Variants in SFMBT1 observed in about 807,000 individuals in gnomAD.
SFMBT1 encodes Scm like with four mbt domains 1, also known as scm-like with four MBT domains protein 1.
A neutral mutation model predicts 108.7 loss-of-function variants in SFMBT1; 32 were observed. The ratio of observed to expected loss-of-function variants is 0.29; its 90% CI spans 0.22 to 0.40. The LOEUF (loss-of-function observed/expected upper bound fraction) is 0.40. SFMBT1 is among the 10% of genes least tolerant of loss of function. The pLI is 1.00. For missense variants in SFMBT1, 816 were observed against 1,059.6 expected, an observed-to-expected ratio of 0.77 and a Z score of 3.19; for synonymous variants, 348 against 369.5, an observed-to-expected ratio of 0.94 and a Z score of 0.67.
At chr3:52,931,912 A>T in intron 6 of SFMBT1, 150 bp downstream of exon 6, 1 of 907,988 alleles carries the variant, frequency 1.1e-6, no homozygotes, top group Non-Finnish European at 1.6e-6. Flanking sequence ...CACTTAATTT[A>T]ACAACTCCAT....
intron 1 of SFMBT1, among the ~76,000 whole-genome samples, chr3:53,007,331 G>A (rs1376083112): frequency 6.6e-6 from 1 of 152,112 alleles, no homozygotes. Flanking sequence ...CTTCACCGTT[G>A]TATCAAAAAG....
chr3:53,002,280 T>G (rs530410238), intron 1 of SFMBT1, among the ~76,000 whole-genome samples: 1 of 148,446 alleles, frequency 6.7e-6, no homozygotes, highest in East Asian at 2.0e-4. Flanking sequence ...GCACCTGTAG[T>G]CCCAGCTACT....
intron 1 of SFMBT1, among the ~76,000 whole-genome samples, chr3:52,981,019 G>C (rs185891672): frequency 6.6e-6 from 1 of 152,076 alleles, no homozygotes; most frequent in African/African-American, 2.4e-5. Flanking sequence ...AAAATTAGCC[G>C]GGCGTGGTGG....
intron 17 of SFMBT1, among the ~76,000 whole-genome samples, chr3:52,908,363 C>T (rs917826292): frequency 2.0e-5 from 3 of 152,110 alleles, no homozygotes; most frequent in Non-Finnish European, 2.9e-5. Context: ...TGAGCCACCA[C>T]GTCCAGCAGC....
intron 1 of SFMBT1, among the ~76,000 whole-genome samples, chr3:52,999,689 T>C (rs1280350426): frequency 6.7e-6 from 1 of 149,766 alleles, no homozygotes; most frequent in East Asian, 2.0e-4. Flanking sequence ...CCACTTGCCA[T>C]GACTCCCTGA....
intron 3 of SFMBT1, among the ~76,000 whole-genome samples, chr3:52,944,009 C>A (rs1703278301): frequency 6.6e-6 from 1 of 152,042 alleles, no homozygotes; most frequent in Non-Finnish European, 1.5e-5. Context: ...CAATATGTAC[C>A]ATATACAGGG....
At chr3:52,926,822 T>C (rs1249026974) in intron 9 of SFMBT1, among the ~76,000 whole-genome samples, 2 of 152,074 alleles carry the variant, frequency 1.3e-5, no homozygotes, top group East Asian at 3.9e-4. Flanking sequence ...GCTCTCAGCC[T>C]CCAGAGAGCT....
At chr3:52,936,013 A>C (rs948016401) in intron 4 of SFMBT1, among the ~76,000 whole-genome samples, 11 of 152,182 alleles carry the variant, frequency 7.2e-5, no homozygotes, top group African/African-American at 2.4e-4. Flanking sequence ...GCTTGATCAA[A>C]TTCAGGTTAG....
rs1703258848 is a variant in SFMBT1, at chr3:52,943,505, G to C, written c.212C>G (p.Thr71Ser). 1 of 1,614,004 alleles carries C rather than the reference G, an allele frequency of 6.2e-7. No individual in the cohort carries two copies. The highest frequency in any genetic ancestry group is 1.7e-5 in the Admixed American group (1 of 60,006). Reference protein sequence around the residue: ...RTDPETYWVATVITTCEQLLL... With the variant: ...RTDPETYWVASVITTCEQLLL... ...CAACTGCTCACAGGTAGTGATAACGGTGGCAACCCAGTAGGTCTCAGGATC... is the reference window on the plus strand; with the variant it reads ...CAACTGCTCACAGGTAGTGATAACGCTGGCAACCCAGTAGGTCTCAGGATC... Residue 71 changes from threonine (T) to serine (S), a missense_variant, in exon 4 of 21, where the codon ACC becomes AGC. Thr to Ser is a moderately conservative substitution (Grantham distance 58, BLOSUM62 1). Transcript: ENST00000394752.
At chr3:53,034,070 CCAAAAAAAA>C (rs1484820000) in intron 1 of SFMBT1, among the ~76,000 whole-genome samples, 2 of 68,288 alleles carry the variant, frequency 2.9e-5, no homozygotes, top group South Asian at 5.1e-4. Context: ...AACTCTGTCT[CCAAAAAAAA>C]AAAAAAAAAA....
At chr3:52,962,152 C>T (rs912806122) in intron 2 of SFMBT1, among the ~76,000 whole-genome samples, 2 of 152,200 alleles carry the variant, frequency 1.3e-5, no homozygotes, top group African/African-American at 2.4e-5. Context: ...AGCATAATGA[C>T]ACAACCTCTG....
chr3:52,990,933 G>A (rs1257860669), intron 1 of SFMBT1, among the ~76,000 whole-genome samples: 1 of 152,134 alleles, frequency 6.6e-6, no homozygotes. Context: ...CAAATGATGA[G>A]TAATGAAGTT....
intron 1 of SFMBT1, among the ~76,000 whole-genome samples, chr3:53,037,914 GC>G (rs1699918613): frequency 6.6e-6 from 1 of 152,124 alleles, no homozygotes; most frequent in East Asian, 1.9e-4. Flanking sequence ...TTCAAGACCA[GC>G]CTGGCCAACA....
At chr3:53,027,060 G>A (rs1699518389) in intron 1 of SFMBT1, among the ~76,000 whole-genome samples, 1 of 152,092 alleles carries the variant, frequency 6.6e-6, no homozygotes, top group Non-Finnish European at 1.5e-5. Flanking sequence ...TAGGATTATA[G>A]GCATGACCCA....
chr3:53,006,378 C>A (rs1259779912), intron 1 of SFMBT1, among the ~76,000 whole-genome samples: 1 of 152,266 alleles, frequency 6.6e-6, no homozygotes, highest in Non-Finnish European at 1.5e-5. Flanking sequence ...CGCCTGTAAT[C>A]CCAGCACTTT....
At chr3:53,027,362 G>C (rs528057856) in intron 1 of SFMBT1, among the ~76,000 whole-genome samples, 1 of 151,988 alleles carries the variant, frequency 6.6e-6, no homozygotes, top group African/African-American at 2.4e-5. Context: ...CACAAGTTCT[G>C]TATCATTTCC....
At chr3:53,018,556 C>T (rs1699200880) in intron 1 of SFMBT1, among the ~76,000 whole-genome samples, 1 of 152,122 alleles carries the variant, frequency 6.6e-6, no homozygotes, top group Admixed American at 6.5e-5. Flanking sequence ...AAAGAAAACC[C>T]CTTTGTGCCC....
chr3:53,019,384 T>TGGG (rs534033222), intron 1 of SFMBT1, among the ~76,000 whole-genome samples: 19 of 111,874 alleles, frequency 1.7e-4, no homozygotes, highest in South Asian at 1.3e-3. Context: ...TGTGTGTGTG[T>TGGG]GTGGGGGGGG....
intron 3 of SFMBT1, among the ~76,000 whole-genome samples, chr3:52,948,540 G>C (rs747468122): frequency 1.3e-5 from 2 of 151,884 alleles, no homozygotes; most frequent in Non-Finnish European, 2.9e-5. Flanking sequence ...CTTTACAATA[G>C]TGACTCTCTC....
Sources: gnomAD v4.1 joint callset for allele counts (sites outside exome capture counted in the v4.1 genomes callset) on GRCh38, gnomAD v4.1.1 for gene constraint, MANE v1.5 for transcripts, NCBI Gene and HGNC (gene_info 2026-07-23, HGNC 2026-07-21) for gene names.